The following MIDN variants were observed in gnomAD, a reference collection of about 807,000 sequenced individuals.
The protein encoded by MIDN is midbrain nucleolar protein.
A neutral mutation model predicts 46.1 loss-of-function variants in MIDN; 26 were observed. The observed-to-expected ratio is 0.56, with a 90% CI of 0.41 to 0.78. The LOEUF (loss-of-function observed/expected upper bound fraction) is 0.78, where lower values mean the gene tolerates loss of function less well. MIDN is among the 30% of genes least tolerant of loss of function. The pLI is 0.00. For missense variants in MIDN, 850 were observed against 771.8 expected (o/e 1.10, Z -1.20); for synonymous variants, 432 against 343.3 (o/e 1.26, Z -2.86).
chr19:1,249,542 C>T (rs1459880039), intron 1 of MIDN, among the ~76,000 whole-genome samples: 2 of 149,680 alleles, frequency 1.3e-5, no homozygotes, highest in South Asian at 4.2e-4. Flanking sequence ...GGTCCCGCGC[C>T]CCCCGGGGCG....
chr19:1,248,770 C>G (rs963678806), intron 1 of MIDN, 110 bp downstream of exon 1: 1 of 152,182 alleles, frequency 6.6e-6, no homozygotes, highest in Non-Finnish European at 1.5e-5. Context: ...CGGGGAGCCT[C>G]CGGTCCTGGG....
intron 3 of MIDN, 63 bp from the exon 4 acceptor site, chr19:1,251,776 C>T: frequency 1.3e-6 from 2 of 1,560,626 alleles, no homozygotes. Flanking sequence ...GCCCTCTCCA[C>T]CCCCTATTCC....
intron 2 of MIDN, among the ~76,000 whole-genome samples, 171 bp downstream of exon 2, chr19:1,250,700 G>T (rs2081115189): frequency 1.3e-5 from 2 of 150,692 alleles, no homozygotes; most frequent in Admixed American, 1.3e-4. Flanking sequence ...CCCCTCCCCC[G>T]CCCGGGGTCG....
At chr19:1,251,396 G>T in intron 2 of MIDN, 166 bp from the exon 3 acceptor site, 1 of 602,404 alleles carries the variant, frequency 1.7e-6, no homozygotes, top group South Asian at 2.1e-5. Context: ...ACCAGACGGA[G>T]ACCTCTCTGC....
Position 1,257,335 on chromosome 19 carries a change from G to T in MIDN, c.*63G>T. ...GCCCAGGGCGGCGGGGACTCCGAGAGCCCCGGAGAGAACGTGGCCCAGCCC... is the reference window on the plus strand; with the variant it reads ...GCCCAGGGCGGCGGGGACTCCGAGATCCCCGGAGAGAACGTGGCCCAGCCC... On this transcript the variant is annotated 3_prime_UTR_variant, in exon 9 of 9. Coordinates refer to ENST00000682408, the MANE Select transcript of MIDN (RefSeq NM_001388306.1). 1 of 1,451,334 alleles carries T rather than the reference G, an allele frequency of 6.9e-7. No individual in the cohort carries two copies. Among genetic ancestry groups the T allele is most frequent in the Non-Finnish European group, 9.5e-7 (1 of 1,047,540 alleles). The allele number at this position is 1,451,334 out of a possible 1,614,324, so 89.9% of individuals were successfully genotyped here. A position where few individuals can be genotyped will look rare whatever the true frequency, so the allele number is the denominator to read the frequency against.
rs548465291 is a variant in MIDN, at chr19:1,250,284, G to A, written c.-13G>A. On this transcript the variant is annotated 5_prime_UTR_variant, in exon 2 of 9. Transcript: ENST00000682408. ...GGCGCCCGCCGCCCCCAGCCCCCCA[G>A]CGCGCGCCGGGGATGGAGCCGCAGC... 35 of 968,034 alleles carry A rather than the reference G, an allele frequency of 3.6e-5. No homozygotes were observed. In the African/African-American group the frequency reaches 5.3e-4, roughly 15 times the overall value. 60.0% of individuals were successfully genotyped at this position (968,034 alleles called of 1,614,324 possible).
chr19:1,256,493 A>T (rs1026879077), intron 8 of MIDN, among the ~76,000 whole-genome samples: 1 of 151,600 alleles, frequency 6.6e-6, no homozygotes, highest in African/African-American at 2.4e-5. Flanking sequence ...AAAAAAAAAA[A>T]AAAAAACCAA....
intron 6 of MIDN, 121 bp downstream of exon 6, chr19:1,254,599 T>C: frequency 9.3e-7 from 1 of 1,073,660 alleles, no homozygotes; most frequent in Non-Finnish European, 1.3e-6. Context: ...TTAAGGGCTA[T>C]CCTGTGACCT....
Position 1,254,199 on chromosome 19 carries a change from G to T in MIDN, c.546G>T (p.Leu182=). 6.3e-7 allele frequency: 1 copy of T among 1,599,048 alleles called. No individual in the cohort carries two copies. ...ACTTCCTGTCGGGCCGTTCGCCACT[G>T]ACACTGGCCTTGCGTGTGGGCGACC... ...VSDFLSGRSP[L]TLALRVGDHM... Residue 182 remains leucine (L), a synonymous_variant, in exon 6 of 9, where the codon CTG becomes CTT. Coordinates refer to ENST00000682408, the MANE Select transcript of MIDN (RefSeq NM_001388306.1).
rs201839842 is a variant in MIDN at position 1,251,822 on chromosome 19, C to T, written c.322-17C>T. 1.8e-3 allele frequency: 2,957 copies of T among 1,611,484 alleles called. 9 individuals are homozygous for T. Among genetic ancestry groups the T allele is most frequent in the Middle Eastern group, 8.1e-3 (49 of 6,046 alleles). On this transcript the variant is annotated splice_polypyrimidine_tract_variant and intron_variant, in intron 3 of 8. Transcript: ENST00000682408. ...TCCGACCCCACACTCAGGCCCCTCT[C>T]CTCCCTCTCTTTGTAGTCTCAGGCC...
chr19:1,254,298 G>GGCC lies in MIDN; in HGVS notation c.654_656dup (p.Ala221dup). 6.4e-7 allele frequency: 1 copy of GGCC among 1,568,298 alleles called. No homozygotes were observed. Among genetic ancestry groups the GGCC allele is most frequent in the Non-Finnish European group, 8.6e-7 (1 of 1,164,698 alleles). On this transcript the variant is annotated inframe_insertion, in exon 6 of 9. Transcript: ENST00000682408. Reference sequence around the variant, plus strand: ...AACACCGCCATGTGCTGGCCGCTGCGGCCGCCGCCGCTGCTGCGCGGGGGG... The same window carrying GGCC: ...AACACCGCCATGTGCTGGCCGCTGCGGCCGCCGCCGCCGCTGCTGCGCGGGGGG...
intron 6 of MIDN, 24 bp from the exon 7 acceptor site, chr19:1,254,878 T>C (rs1346446361): frequency 1.3e-6 from 2 of 1,586,186 alleles, no homozygotes; most frequent in African/African-American, 2.7e-5. Context: ...GACCCCGTGC[T>C]CATGTGCCCC....
intron 8 of MIDN, among the ~76,000 whole-genome samples, chr19:1,256,334 T>C (rs2081198689): frequency 6.6e-6 from 1 of 151,946 alleles, no homozygotes; most frequent in South Asian, 2.1e-4. Flanking sequence ...ATACAAAAAA[T>C]TAGCCAGGCG....
At chr19:1,253,044 T>TGGGGGGGGGTGG (rs111898804) in intron 4 of MIDN, among the ~76,000 whole-genome samples, 1 of 131,776 alleles carries the variant, frequency 7.6e-6, no homozygotes, top group Non-Finnish European at 1.6e-5. Flanking sequence ...TGGGGGGGGC[T>TGGGGGGGGGTGG]GGAGGGGGTG....
At chr19:1,256,803 A>C (rs900857669) in intron 8 of MIDN, among the ~76,000 whole-genome samples, 192 bp from the exon 9 acceptor site, 2 of 151,958 alleles carry the variant, frequency 1.3e-5, no homozygotes, top group Non-Finnish European at 2.9e-5. Context: ...CGGCCTCCCA[A>C]AGTGCTGAGA....
intron 5 of MIDN, 35 bp downstream of exon 5, chr19:1,254,117 G>C (rs1373506156): frequency 6.4e-7 from 1 of 1,556,174 alleles, no homozygotes; most frequent in Admixed American, 1.8e-5. Context: ...GGGCTGGGCT[G>C]GGGGCGCCGC....
chr19:1,255,819 C>G (rs554446879), intron 8 of MIDN, 125 bp downstream of exon 8: 2 of 888,558 alleles, frequency 2.3e-6, no homozygotes, highest in Admixed American at 3.0e-5. Context: ...TGGCAGCTGC[C>G]GTGGCCACTG....
rs759844575 is a variant in MIDN, at chr19:1,251,490, C to G, written c.234-72C>G. 102 of 1,389,560 alleles carry G rather than the reference C, an allele frequency of 7.3e-5. 1 individual carries two copies. Among genetic ancestry groups the G allele is most frequent in the Non-Finnish European group, 8.7e-5 (88 of 1,006,358 alleles). 86.1% of individuals were successfully genotyped at this position (1,389,560 alleles called of 1,614,324 possible). ...TCTCTCCCCACACAAGCACAGCCCT[C>G]CCCCGCGGCCTCTGCTTCCGCGTCC... On this transcript the variant is annotated intron_variant, in intron 2 of 8. Coordinates refer to ENST00000682408, the MANE Select transcript of MIDN (RefSeq NM_001388306.1).
At chr19:1,253,750 GC>G (rs2081162875) in intron 4 of MIDN, 2 of 265,234 alleles carry the variant, frequency 7.5e-6, no homozygotes, top group South Asian at 8.4e-5. Flanking sequence ...CTGGGAGGGG[GC>G]CTGAGGTGGA....
Sources: gnomAD v4.1 joint callset for allele counts (sites outside exome capture counted in the v4.1 genomes callset) on GRCh38, gnomAD v4.1.1 for gene constraint, MANE v1.5 for transcripts, NCBI Gene and HGNC (gene_info 2026-07-23, HGNC 2026-07-21) for gene names.